Variants in HOMER2 observed in about 807,000 individuals in gnomAD.
The protein encoded by HOMER2 is homer scaffold protein 2.
Under a neutral mutation model 47.0 loss-of-function variants are expected in HOMER2, and 27 were observed. That is an observed-to-expected ratio of 0.57 (90% CI 0.42 to 0.79). The LOEUF is 0.79. Among genes scored for constraint, HOMER2 ranks in the 30% least tolerant of loss-of-function variants. The probability of loss-of-function intolerance (pLI) is 0.00; values close to 1 mark genes in which losing one functional copy is unlikely to be tolerated. For missense variants in HOMER2, 443 were observed against 435.0 expected (o/e 1.02, Z -0.16); for synonymous variants, 161 against 163.8 (o/e 0.98, Z 0.13).
chr15:82,967,392 T>C lies in HOMER2; in HGVS notation n.83-8084A>G, dbSNP rs139745727. ...AGTTTTAAAAAAAAAGAGCTCTTAG[T>C]GTTGAGAGATACATGCTGAAATACA... On this transcript the variant is annotated intron_variant and non_coding_transcript_variant, in intron 1 of 1. Coordinates refer to the HOMER2 transcript ENST00000500334. Among the ~76,000 whole-genome samples the C allele has an allele frequency of 4.3e-3, 649 of 152,158 alleles. 7 individuals are homozygous for C. Among genetic ancestry groups the C allele is most frequent in the Non-Finnish European group, 4.1e-3 (279 of 67,988 alleles).
At chr15:82,871,008 C>T (rs1209236870) in intron 3 of HOMER2, among the ~76,000 whole-genome samples, 1 of 152,204 alleles carries the variant, frequency 6.6e-6, no homozygotes, top group African/African-American at 2.4e-5. Flanking sequence ...ATATTTGTTC[C>T]TCCTTCTGTC....
chr15:82,848,522 T>C (rs542587770), downstream of HOMER2, among the ~76,000 whole-genome samples: 1 of 152,252 alleles, frequency 6.6e-6, no homozygotes, highest in East Asian at 1.9e-4. Context: ...TGCAGTCCCT[T>C]CCCTAGGAGA....
intron 1 of HOMER2, among the ~76,000 whole-genome samples, chr15:82,929,355 GC>G (rs1441770720): frequency 1.3e-5 from 2 of 152,100 alleles, no homozygotes; most frequent in African/African-American, 2.4e-5. Flanking sequence ...CAGGTTCTGA[GC>G]AAAAGAAATC....
chr15:82,940,519 G>A (rs1052842849), intron 1 of HOMER2, among the ~76,000 whole-genome samples: 8 of 152,066 alleles, frequency 5.3e-5, no homozygotes, highest in African/African-American at 9.7e-5. Context: ...CAAGGCGGGC[G>A]GATCACGAGG....
In HOMER2 at chr15:82,952,658, C is replaced by G; in HGVS notation, c.-123G>C. The G allele has an allele frequency of 5.0e-6, 5 of 1,001,936 alleles. No individual in the cohort carries two copies. The South Asian group carries it at 1.4e-4, about 27-fold the overall frequency. 62.1% of individuals were successfully genotyped at this position (1,001,936 alleles called of 1,614,324 possible). A position where few individuals can be genotyped will look rare whatever the true frequency, so the allele number is the denominator to read the frequency against. On this transcript the variant is annotated 5_prime_UTR_variant, in exon 1 of 9. Transcript: ENST00000450735. ...TGCGCGCCCGGCTCAGCCCCGGCGC[C>G]GCTCCATTCCGCGGGGCTGCGCGGC...
At chr15:82,955,869 T>C (rs1015499842), upstream of HOMER2, among the ~76,000 whole-genome samples, 17 of 152,154 alleles carry the variant, frequency 1.1e-4, no homozygotes, top group Non-Finnish European at 2.2e-4. Flanking sequence ...ATATATAAGC[T>C]ACGATCTGTG....
chr15:82,956,077 T>C (rs2054585023), upstream of HOMER2, among the ~76,000 whole-genome samples: 5 of 151,768 alleles, frequency 3.3e-5, no homozygotes, highest in Admixed American at 2.0e-4. Flanking sequence ...CCATCTTTAC[T>C]AAAAATACAA....
intron 5 of HOMER2, 23 bp downstream of exon 5, chr15:82,859,006 T>C (rs1385747329): frequency 6.2e-7 from 1 of 1,605,318 alleles, no homozygotes; most frequent in Non-Finnish European, 8.5e-7. Context: ...GAAAATAGAA[T>C]CTGGACTTTA....
chr15:82,840,119 T>G (rs1193754327), exon 2 of HOMER2: 1 of 152,142 alleles, frequency 6.6e-6, no homozygotes, highest in African/African-American at 2.4e-5. Flanking sequence ...GAGATATGGA[T>G]AAAGATGTAT....
chr15:82,930,012 A>C (rs775611721), intron 1 of HOMER2, among the ~76,000 whole-genome samples: 2 of 152,020 alleles, frequency 1.3e-5, no homozygotes, highest in Non-Finnish European at 2.9e-5. Context: ...TACAGGCGTG[A>C]GCCACCACGC....
At position 82,854,692 on chromosome 15, in the gene HOMER2, C is replaced by G; in HGVS notation, c.603G>C (p.Lys201Asn). The G allele has an allele frequency of 6.2e-7, 1 of 1,613,156 alleles. No homozygotes were observed. Among genetic ancestry groups the G allele is most frequent in the Non-Finnish European group, 8.5e-7 (1 of 1,179,876 alleles). ...CATCACGGCAGATGGAGAACTGCCT[C>G]TTCCACTGCTCCACACTGGCTGCCG... is the stretch of plus-strand genomic sequence containing the variant. ...QESAASVEQW[K>N]RQFSICRDEN... Residue 201 changes from lysine to asparagine, a missense_variant, in exon 6 of 9, where the codon AAG (lysine) becomes AAC (asparagine). Coordinates refer to ENST00000450735, the MANE Select transcript of HOMER2 (RefSeq NM_004839.4).
downstream of HOMER2, chr15:82,835,133 G>GT (rs35205699): frequency 0.33 from 48,376 of 147,670 alleles, 9,720 homozygotes; most frequent in East Asian, 0.63. Context: ...CAGTTTTTTT[G>GT]TTTTTTTTTT....
intron 6 of HOMER2, among the ~76,000 whole-genome samples, chr15:82,852,966 G>T (rs1018458988): frequency 9.2e-5 from 14 of 152,218 alleles, no homozygotes; most frequent in African/African-American, 3.4e-4. Flanking sequence ...AATGCTGGGG[G>T]CCAAAATGTG....
chr15:82,874,851 G>T (rs1037019874), intron 3 of HOMER2, among the ~76,000 whole-genome samples: 4 of 152,176 alleles, frequency 2.6e-5, no homozygotes, highest in Non-Finnish European at 5.9e-5. Context: ...TTCCTTGGAA[G>T]TTCTATAGTA....
chr15:82,858,545 C>T (rs532878875), intron 5 of HOMER2, among the ~76,000 whole-genome samples: 29 of 152,356 alleles, frequency 1.9e-4, no homozygotes, highest in Non-Finnish European at 3.4e-4. Context: ...ATCCGCCTGC[C>T]TTGGCCTTCC....
At position 82,938,880 on chromosome 15, in the gene HOMER2, C is replaced by T. The variant is rs552411047; in HGVS notation, c.5+13651G>A. Among the ~76,000 whole-genome samples, 3 of 152,310 alleles carry T rather than the reference C, an allele frequency of 2.0e-5. No homozygotes were observed. The South Asian group carries it at 6.2e-4, about 32-fold the overall frequency. On this transcript the variant is annotated intron_variant, in intron 1 of 8. Coordinates refer to ENST00000450735, the MANE Select transcript of HOMER2 (RefSeq NM_004839.4). ...ATGCTCCCCTTTTCAGCCTCCTCTC[C>T]CCTGGCTTCTGCAACCCCTCTCTCC...
At chr15:82,882,202 G>A (rs1164994616) in intron 2 of HOMER2, among the ~76,000 whole-genome samples, 5 of 152,022 alleles carry the variant, frequency 3.3e-5, no homozygotes, top group African/African-American at 2.4e-5. Flanking sequence ...TATAAACAGG[G>A]ACAACCCAAG....
chr15:82,850,630 C>G (rs1444401700), intron 8 of HOMER2, among the ~76,000 whole-genome samples: 1 of 152,234 alleles, frequency 6.6e-6, no homozygotes, highest in Non-Finnish European at 1.5e-5. Flanking sequence ...GCACAGGAAG[C>G]AGTTACCAAT....
intron 8 of HOMER2, 112 bp downstream of exon 8, chr15:82,851,039 A>G (rs984905854): frequency 2.6e-6 from 2 of 761,588 alleles, no homozygotes; most frequent in Non-Finnish European, 2.2e-6. Flanking sequence ...TGAATAGAAA[A>G]TCTCTCCTTC....
Sources: allele counts gnomAD v4.1 joint callset (sites outside exome capture counted in the v4.1 genomes callset), GRCh38; gene constraint gnomAD v4.1.1; transcripts MANE v1.5; gene names NCBI Gene and HGNC (gene_info 2026-07-23, HGNC 2026-07-21).